COL12A1: variants seen among roughly 807,000 people sequenced by gnomAD.
COL12A1 encodes collagen type XII alpha 1 chain, also known as collagen alpha-1(XII) chain.
In COL12A1, 114 loss-of-function variants were observed where a neutral mutation model predicts 349.7. The ratio of observed to expected loss-of-function variants is 0.33; its 90% CI spans 0.28 to 0.38. COL12A1 has a LOEUF of 0.38. Ranked by LOEUF, COL12A1 falls within the 10% of genes least tolerant of loss-of-function variation. The pLI is 1.00. For missense variants in COL12A1, 3,284 were observed against 3,756.9 expected, an observed-to-expected ratio of 0.87 and a Z score of 3.29; for synonymous variants, 1,369 against 1,329.0, an observed-to-expected ratio of 1.03 and a Z score of -0.66.
At chr6:75,204,319 A>C (rs1770668097) in intron 1 of COL12A1, among the ~76,000 whole-genome samples, 2 of 152,136 alleles carry the variant, frequency 1.3e-5, no homozygotes, top group Non-Finnish European at 1.5e-5. Context: ...AAAGGCGAAC[A>C]ATCGACCCAC....
chr6:75,093,978 A>C (rs952165017), intron 60 of COL12A1, among the ~76,000 whole-genome samples: 8 of 152,208 alleles, frequency 5.3e-5, no homozygotes, highest in African/African-American at 1.7e-4. Context: ...GCACTTGCAA[A>C]GTTTCTACCA....
intron 13 of COL12A1, among the ~76,000 whole-genome samples, chr6:75,169,641 T>C (rs1012592738): frequency 6.6e-6 from 1 of 152,182 alleles, no homozygotes; most frequent in Non-Finnish European, 1.5e-5. Flanking sequence ...TAGTACTTGC[T>C]CTCTTCTGTT....
chr6:75,137,531 T>C lies in COL12A1; in HGVS notation c.5300A>G (p.Asn1767Ser). 1 of 1,613,894 alleles carries C rather than the reference T, an allele frequency of 6.2e-7. No homozygotes were observed. The highest frequency in any genetic ancestry group is 8.5e-7 in the Non-Finnish European group (1 of 1,179,868). Residue 1767 changes from asparagine (N) to serine (S), a missense_variant, in exon 31 of 66, where the codon AAC (asparagine) becomes AGC (serine). Physicochemically the swap from Asn to Ser is conservative, Grantham distance 46. Coordinates refer to ENST00000322507, the MANE Select transcript of COL12A1 (RefSeq NM_004370.6). ...AGGATCCCACTTAACAGTCAGGCTG[T>C]TAGATGTTGCATTGTACACTTGAAG... ...RNLQVYNATSNSLTVKWDPAS... is the reference protein window; with the variant it reads ...RNLQVYNATSSSLTVKWDPAS...
intron 2 of COL12A1, 91 bp downstream of exon 2, chr6:75,202,629 A>G (rs1407401350): frequency 7.7e-7 from 1 of 1,296,934 alleles, no homozygotes; most frequent in East Asian, 2.5e-5. Context: ...GCGCAGGGAA[A>G]ACAGAGCAAG....
chr6:75,107,870 G>A (rs1027639932), intron 52 of COL12A1, among the ~76,000 whole-genome samples: 1 of 152,208 alleles, frequency 6.6e-6, no homozygotes, highest in Admixed American at 6.5e-5. Context: ...TCAACAGAAG[G>A]TTTGGATTTT....
rs199747984 is a variant in COL12A1, at chr6:75,131,983, C to T, written c.5894G>A (p.Arg1965His). The change falls in exon 35 of 66, where the codon CGC (arginine) becomes CAC (histidine). Residue 1965 changes from arginine to histidine, a missense_variant. Arg to His is a conservative substitution (Grantham distance 29). Around this residue, in one of 2 missense-constraint regions of COL12A1, gnomAD observed 2,601 missense variants for 2,824.8 expected, o/e 0.92. Coordinates refer to ENST00000322507, the MANE Select transcript of COL12A1 (RefSeq NM_004370.6). Reference protein sequence around the residue: ...DPAPGPVLQYRVVYSPVDGTR... With the variant: ...DPAPGPVLQYHVVYSPVDGTR... ...GCCATCCACAGGAGAATACACAACGCGATATTGCAGCACAGGTCCTGGAGC... is the reference window on the plus strand; with the variant it reads ...GCCATCCACAGGAGAATACACAACGTGATATTGCAGCACAGGTCCTGGAGC... 8 of 1,613,968 alleles carry T rather than the reference C, an allele frequency of 5.0e-6. No individual in the cohort carries two copies. The East Asian group carries it at 6.7e-5, about 13-fold the overall frequency.
At chr6:75,176,120 AG>A (rs1768928809) in intron 12 of COL12A1, among the ~76,000 whole-genome samples, 2 of 152,212 alleles carry the variant, frequency 1.3e-5, no homozygotes, top group African/African-American at 2.4e-5. Flanking sequence ...AATGGAAGAG[AG>A]GAGGAAGGAA....
chr6:75,163,925 A>G (rs1289235976), intron 14 of COL12A1, among the ~76,000 whole-genome samples: 3 of 152,186 alleles, frequency 2.0e-5, no homozygotes, highest in Non-Finnish European at 2.9e-5. Context: ...AAATCCCTCT[A>G]AATACATATA....
At chr6:75,108,940 AACTC>A (rs1185511694) in intron 52 of COL12A1, 74 bp downstream of exon 52, 3 of 1,422,812 alleles carry the variant, frequency 2.1e-6, no homozygotes, top group Non-Finnish European at 2.9e-6. Context: ...AATAAAATAA[AACTC>A]AAGGAGTTGT....
intron 8 of COL12A1, among the ~76,000 whole-genome samples, chr6:75,186,643 T>C (rs1379198143): frequency 6.6e-6 from 1 of 152,102 alleles, no homozygotes; most frequent in Non-Finnish European, 1.5e-5. Context: ...ATATAAATCA[T>C]CCTATTATAA....
chr6:75,146,981 C>A (rs1482680968), intron 23 of COL12A1, among the ~76,000 whole-genome samples: 1 of 152,198 alleles, frequency 6.6e-6, no homozygotes, highest in Non-Finnish European at 1.5e-5. Context: ...AAGTGGCTTT[C>A]CTTCTTCTCC....
At chr6:75,180,188 C>A (rs894575730) in intron 11 of COL12A1, among the ~76,000 whole-genome samples, 27 of 152,164 alleles carry the variant, frequency 1.8e-4, no homozygotes, top group Admixed American at 1.3e-4. Context: ...GTAGAGAGAG[C>A]ATTCTGACAC....
chr6:75,117,563 A>G lies in COL12A1; in HGVS notation c.7355-17T>C. The G allele has an allele frequency of 6.2e-7, 1 of 1,605,516 alleles. No individual in the cohort carries two copies. Among genetic ancestry groups the G allele is most frequent in the Non-Finnish European group, 8.5e-7 (1 of 1,173,626 alleles). Reference sequence around the variant, plus strand: ...CACTGAACCCTGCAAAGTAGCATTTATAGAATGAATCACGTATCTCTTTTT... The same window carrying G: ...CACTGAACCCTGCAAAGTAGCATTTGTAGAATGAATCACGTATCTCTTTTT... On this transcript the variant is annotated splice_polypyrimidine_tract_variant and intron_variant, in intron 46 of 65. Transcript: ENST00000322507.
chr6:75,086,814 C>G (rs1462747792), intron 65 of COL12A1, among the ~76,000 whole-genome samples: 1 of 151,740 alleles, frequency 6.6e-6, no homozygotes, highest in East Asian at 1.9e-4. Context: ...TGTAATTATG[C>G]ATATAAATAT....
At chr6:75,096,843 C>G (rs1326322467) in intron 59 of COL12A1, among the ~76,000 whole-genome samples, 1 of 144,822 alleles carries the variant, frequency 6.9e-6, no homozygotes, top group Non-Finnish European at 1.5e-5. Flanking sequence ...TTGCAGTGAG[C>G]CGAGATCCCG....
chr6:75,102,670 T>G lies in COL12A1; in HGVS notation c.8342A>C (p.Asp2781Ala), dbSNP rs1197055761. Residue 2781 changes from aspartate to alanine, a missense_variant, in exon 56 of 66, where the codon GAC becomes GCC. This residue lies in a region of COL12A1 where 683 missense variants were observed against 932.1 expected (regional missense o/e 0.73). Coordinates refer to ENST00000322507, the MANE Select transcript of COL12A1 (RefSeq NM_004370.6). ...ACCCTGGGGGCCTGGAGGACCTATG[T>G]CTCCACGAGGACCAGGGGGCCCCTA... ...GAIGPPGPRG[D>A]IGPPGPQGPP... 1.3e-6 allele frequency: 2 copies of G among 1,565,598 alleles called. No individual in the cohort carries two copies. Among genetic ancestry groups the G allele is most frequent in the African/African-American group, 1.4e-5 (1 of 72,148 alleles).
intron 46 of COL12A1, among the ~76,000 whole-genome samples, chr6:75,118,734 A>G (rs1230940036): frequency 6.6e-6 from 1 of 152,194 alleles, no homozygotes; most frequent in African/African-American, 2.4e-5. Context: ...CATTTCTGCT[A>G]TGGCAGGAAG....
chr6:75,175,141 CA>C lies in COL12A1; in HGVS notation c.2606del (p.Val869GlyfsTer5). 1 of 1,614,184 alleles carries C rather than the reference CA, an allele frequency of 6.2e-7. No homozygotes were observed. Among genetic ancestry groups the C allele is most frequent in the Non-Finnish European group, 8.5e-7 (1 of 1,180,036 alleles). The stretch of plus-strand genomic sequence containing the variant: ...GTGTCCCTTCCTTCAATCCCTGCAG[CA>C]CCGTATTGGTTGTATCTCCCCTCAC... The part of the protein sequence containing the change: ...VTVRGDTTNT[V>X]LQGLKEGTQY... On this transcript the variant is annotated frameshift_variant, in exon 13 of 66. Transcript: ENST00000322507. LOFTEE classifies it high-confidence loss of function.
At chr6:75,141,409 A>T (rs906792224) in intron 27 of COL12A1, among the ~76,000 whole-genome samples, 1 of 152,198 alleles carries the variant, frequency 6.6e-6, no homozygotes. Flanking sequence ...AGAGGAACTG[A>T]CATCTCCAGG....
Sources: allele counts gnomAD v4.1 joint callset (sites outside exome capture counted in the v4.1 genomes callset), GRCh38; gene constraint gnomAD v4.1.1; regional missense constraint gnomAD v4.1.1; transcripts MANE v1.5; gene names NCBI Gene and HGNC (gene_info 2026-07-23, HGNC 2026-07-21).